The following BMPR1B variants were observed in gnomAD, a reference collection of about 807,000 sequenced individuals.
BMPR1B encodes bone morphogenetic protein receptor type-1B.
BMPR1B carries 12 observed loss-of-function variants against 59.1 expected under a neutral mutation model. The observed-to-expected ratio is 0.20, with a 90% CI of 0.13 to 0.33. The LOEUF (loss-of-function observed/expected upper bound fraction) is 0.33, where lower values mean the gene tolerates loss of function less well. BMPR1B is among the 10% of genes least tolerant of loss of function. The pLI is 1.00. For synonymous variants in BMPR1B, 237 were observed against 207.3 expected (o/e 1.14, Z -1.23); for missense variants, 550 against 610.9 (o/e 0.90, Z 1.05).
intron 1 of BMPR1B, among the ~76,000 whole-genome samples, chr4:94,789,798 G>A (rs981757072): frequency 4.5e-5 from 6 of 134,168 alleles, no homozygotes; most frequent in African/African-American, 1.9e-4. Context: ...CATATATATA[G>A]CTTATAAAAA....
chr4:95,091,864 T>C (rs1730016088), intron 3 of BMPR1B, among the ~76,000 whole-genome samples: 1 of 152,200 alleles, frequency 6.6e-6, no homozygotes, highest in South Asian at 2.1e-4. Context: ...TAATTTAGCT[T>C]ACTTTTAAAT....
intron 3 of BMPR1B, among the ~76,000 whole-genome samples, chr4:95,060,110 A>G (rs990307404): frequency 1.3e-5 from 2 of 152,184 alleles, no homozygotes; most frequent in Non-Finnish European, 2.9e-5. Flanking sequence ...TATTTCCTGT[A>G]TCAGAATCAC....
chr4:94,982,257 G>T (rs1424790568), intron 2 of BMPR1B, among the ~76,000 whole-genome samples: 4 of 152,000 alleles, frequency 2.6e-5, no homozygotes, highest in South Asian at 2.1e-4. Context: ...TTCTTAAAGA[G>T]AATTTACTTT....
Position 95,131,343 on chromosome 4 carries a change from A to C in BMPR1B, c.907A>C (p.Lys303Gln), listed in dbSNP as rs370428276. The part of the protein sequence containing the change: ...STTLDAKSML[K>Q]LAYSSVSGLC... ...CACCCTAGACGCTAAATCAATGCTG[A>C]AGTTAGCCTACTCTTCTGTCAGTGG... Residue 303 changes from lysine to glutamine, a missense_variant, in exon 10 of 13, where the codon AAG becomes CAG. Coordinates refer to ENST00000515059, the MANE Select transcript of BMPR1B (RefSeq NM_001203.3). The C allele has an allele frequency of 1.1e-5, 17 of 1,613,946 alleles. No individual in the cohort carries two copies. Among genetic ancestry groups the C allele is most frequent in the Admixed American group, 1.7e-5 (1 of 59,952 alleles).
intron 2 of BMPR1B, among the ~76,000 whole-genome samples, chr4:94,898,059 A>G (rs1727658606): frequency 6.9e-6 from 1 of 144,676 alleles, no homozygotes; most frequent in Non-Finnish European, 1.5e-5. Flanking sequence ...GGACCCTCCT[A>G]CCTCAGCCTC....
At chr4:95,091,412 CAA>C (rs1166223915) in intron 3 of BMPR1B, 1 of 955,264 alleles carries the variant, frequency 1.0e-6, no homozygotes, top group Non-Finnish European at 1.2e-6. Flanking sequence ...AGCTTATAAT[CAA>C]AGGGACTACT....
chr4:95,090,390 C>A (rs902057794), intron 3 of BMPR1B, among the ~76,000 whole-genome samples: 2 of 151,692 alleles, frequency 1.3e-5, no homozygotes, highest in Non-Finnish European at 2.9e-5. Context: ...TAACCATCTG[C>A]TGTTAGGCAA....
chr4:95,024,272 T>G (rs1482343718), intron 3 of BMPR1B, among the ~76,000 whole-genome samples: 1 of 152,168 alleles, frequency 6.6e-6, no homozygotes, highest in East Asian at 1.9e-4. Flanking sequence ...TTTCTCTCTT[T>G]GATGATGAGA....
chr4:95,037,693 G>C lies in BMPR1B; in HGVS notation c.-18+41559G>C, dbSNP rs1453289070. Among the ~76,000 whole-genome samples the C allele has an allele frequency of 2.0e-5, 3 of 152,228 alleles. No homozygotes were observed. The East Asian group carries it at 5.8e-4, about 29-fold the overall frequency. On this transcript the variant is annotated intron_variant, in intron 3 of 12. Coordinates refer to ENST00000515059, the MANE Select transcript of BMPR1B (RefSeq NM_001203.3). ...GAAGAAGAAATTCATAAATATGGTAGGTAGAGAAACCAGAGGGCAAGCCAG... is the reference window on the plus strand; with the variant it reads ...GAAGAAGAAATTCATAAATATGGTACGTAGAGAAACCAGAGGGCAAGCCAG...
chr4:94,899,430 TATACACACACAC>T (rs955965573), intron 2 of BMPR1B, among the ~76,000 whole-genome samples: 1 of 149,910 alleles, frequency 6.7e-6, no homozygotes, highest in Non-Finnish European at 1.5e-5. Context: ...TATGTATATA[TATACACACACAC>T]ATACACACAC....
At position 94,898,102 on chromosome 4, in the gene BMPR1B, A is replaced by G. The variant is rs554020879; in HGVS notation, c.-113+22202A>G. 3.0e-4 allele frequency among the ~76,000 whole-genome samples: 46 copies of G among 151,538 alleles called. 1 individual carries two copies. The highest frequency in any genetic ancestry group is 8.7e-4 in the African/African-American group (36 of 41,360). On this transcript the variant is annotated intron_variant, in intron 2 of 12. Transcript: ENST00000515059. ...GCTGGGACTACACGTGCATGCTACC[A>G]TACTTGGATTGTTTTTTAAAAATTT...
At chr4:95,102,317 C>T (rs1353021172) in intron 3 of BMPR1B, among the ~76,000 whole-genome samples, 1 of 152,200 alleles carries the variant, frequency 6.6e-6, no homozygotes, top group Non-Finnish European at 1.5e-5. Context: ...TTCCATTTAA[C>T]AGCTTTTCCC....
intron 7 of BMPR1B, among the ~76,000 whole-genome samples, chr4:95,124,394 A>C (rs1324859382): frequency 6.6e-6 from 1 of 151,994 alleles, no homozygotes; most frequent in Non-Finnish European, 1.5e-5. Flanking sequence ...AGATTGTGAA[A>C]TATTAAGGAC....
intron 10 of BMPR1B, among the ~76,000 whole-genome samples, chr4:95,144,733 A>G (rs1734518582): frequency 6.6e-6 from 1 of 151,932 alleles, no homozygotes; most frequent in Non-Finnish European, 1.5e-5. Context: ...TCTGAACCCT[A>G]CTCTTAATAA....
At chr4:94,892,672 A>G (rs549731934) in intron 2 of BMPR1B, among the ~76,000 whole-genome samples, 1 of 152,158 alleles carries the variant, frequency 6.6e-6, no homozygotes, top group South Asian at 2.1e-4. Context: ...CTGGACCTTT[A>G]AAGACCCACA....
chr4:94,784,270 G>A (rs1362475001), intron 1 of BMPR1B, among the ~76,000 whole-genome samples: 6 of 152,052 alleles, frequency 3.9e-5, no homozygotes, highest in Non-Finnish European at 8.8e-5. Context: ...AGGAATCCAG[G>A]TATAGTAACC....
At chr4:95,074,883 C>T (rs1398004544) in intron 3 of BMPR1B, among the ~76,000 whole-genome samples, 1 of 151,964 alleles carries the variant, frequency 6.6e-6, no homozygotes, top group East Asian at 1.9e-4. Flanking sequence ...CATGCCTGCT[C>T]ATGATTATTT....
chr4:94,951,151 T>A (rs11732856), intron 2 of BMPR1B, among the ~76,000 whole-genome samples: 35,874 of 152,162 alleles, frequency 0.24, 4,328 homozygotes, highest in South Asian at 0.34. Context: ...TGAAGTTGCT[T>A]ATCAGCTTAA....
intron 2 of BMPR1B, among the ~76,000 whole-genome samples, chr4:94,926,202 G>T (rs1047862873): frequency 1.3e-4 from 20 of 151,316 alleles, no homozygotes; most frequent in Admixed American, 2.0e-4. Context: ...GCCCAGGAAA[G>T]AATATTTATG....
Sources: gnomAD v4.1 joint callset for allele counts (sites outside exome capture counted in the v4.1 genomes callset) on GRCh38, gnomAD v4.1.1 for gene constraint, MANE v1.5 for transcripts, NCBI Gene and HGNC (gene_info 2026-07-23, HGNC 2026-07-21) for gene names.